Variants in KIAA1217 observed in about 807,000 individuals in gnomAD.
The protein encoded by KIAA1217 is KIAA1217, also known as sickle tail protein homolog.
Under a neutral mutation model 163.9 loss-of-function variants are expected in KIAA1217, and 88 were observed. The ratio of observed to expected loss-of-function variants is 0.54; its 90% confidence interval spans 0.45 to 0.64. The LOEUF (loss-of-function observed/expected upper bound fraction) is 0.64. KIAA1217 is among the 30% of genes least tolerant of loss of function. The pLI, the probability that KIAA1217 is intolerant of heterozygous loss-of-function variation, is 0.00. For missense variants in KIAA1217, 2,372 were observed against 2,475.0 expected, an observed-to-expected ratio of 0.96 and a Z score of 0.88; for synonymous variants, 903 against 923.1, an observed-to-expected ratio of 0.98 and a Z score of 0.39.
At chr10:24,193,243 G>A (rs1188663886) in intron 2 of KIAA1217, among the ~76,000 whole-genome samples, 1 of 152,168 alleles carries the variant, frequency 6.6e-6, no homozygotes, top group Non-Finnish European at 1.5e-5. Context: ...CATTATTAAT[G>A]GCTAAAAAGC....
chr10:24,062,628 A>G (rs2060773665), intron 2 of KIAA1217, among the ~76,000 whole-genome samples: 1 of 151,834 alleles, frequency 6.6e-6, no homozygotes, highest in African/African-American at 2.4e-5. Context: ...TAGCAGCATG[A>G]TTTATAAGCC....
intron 1 of KIAA1217, among the ~76,000 whole-genome samples, chr10:23,731,872 C>A (rs1443092988): frequency 6.6e-6 from 1 of 151,658 alleles, no homozygotes; most frequent in African/African-American, 2.4e-5. Context: ...TGTGATTTTT[C>A]TTTTTTAGCT....
Position 23,784,361 on chromosome 10 carries a change from T to G in KIAA1217, c.-321+89127T>G, listed in dbSNP as rs541009897. 1.2e-4 allele frequency among the ~76,000 whole-genome samples: 18 copies of G among 152,302 alleles called. 1 individual carries two copies. The highest frequency in any genetic ancestry group is 4.3e-4 in the African/African-American group (18 of 41,582). The stretch of plus-strand genomic sequence containing the variant: ...AAGTGTGTCTCTTATAGTCAGCATA[T>G]AGTTGGATCATGTTTATATATCTAC... On this transcript the variant is annotated intron_variant, in intron 1 of 18. Coordinates refer to the KIAA1217 transcript ENST00000376462.
At chr10:24,118,036 T>G (rs2063127215) in intron 2 of KIAA1217, among the ~76,000 whole-genome samples, 1 of 151,706 alleles carries the variant, frequency 6.6e-6, no homozygotes. Context: ...GAAAAATAAC[T>G]ATCAAGTACT....
intron 2 of KIAA1217, among the ~76,000 whole-genome samples, chr10:24,049,030 C>CAAAA (rs59235039): frequency 7.0e-5 from 6 of 86,178 alleles, no homozygotes; most frequent in Middle Eastern, 6.9e-3. Context: ...TACTCTGTCT[C>CAAAA]AAAAAAAAAA....
intron 2 of KIAA1217, among the ~76,000 whole-genome samples, chr10:24,078,667 T>A (rs1292371163): frequency 6.6e-6 from 1 of 152,196 alleles, no homozygotes; most frequent in Non-Finnish European, 1.5e-5. Flanking sequence ...GCAGCATTCT[T>A]GTTCCATGAG....
At chr10:23,842,367 G>A (rs574995406) in intron 1 of KIAA1217, among the ~76,000 whole-genome samples, 1 of 152,236 alleles carries the variant, frequency 6.6e-6, no homozygotes, top group South Asian at 2.1e-4. Flanking sequence ...GTGTGAGTTG[G>A]ATTTTCACTT....
chr10:24,070,095 CT>C (rs2061127322), intron 2 of KIAA1217, among the ~76,000 whole-genome samples: 1 of 152,120 alleles, frequency 6.6e-6, no homozygotes, highest in Non-Finnish European at 1.5e-5. Flanking sequence ...CCACCTTGGC[CT>C]CCCAGTGAAA....
chr10:24,252,943 G>C lies in KIAA1217; in HGVS notation c.354+33034G>C, dbSNP rs4748933. Among the ~76,000 whole-genome samples, 3 of 151,490 alleles carry C rather than the reference G, an allele frequency of 2.0e-5. No individual in the cohort carries two copies. In the South Asian group the frequency reaches 6.3e-4, roughly 32 times the overall value. On this transcript the variant is annotated intron_variant, in intron 2 of 20. Coordinates refer to ENST00000376454, the MANE Select transcript of KIAA1217 (RefSeq NM_019590.5). ...TGAGGCAGAAAGATCGATTGAGCCC[G>C]GGAGTTTGAGACCAGCCTGGGTAAT...
intron 1 of KIAA1217, among the ~76,000 whole-genome samples, chr10:23,976,226 C>G (rs143492435): frequency 7.2e-5 from 11 of 152,242 alleles, no homozygotes; most frequent in Admixed American, 2.6e-4. Flanking sequence ...AGCAATTTAT[C>G]CAGTCACCCA....
chr10:24,536,352 T>A (rs2074008574), intron 16 of KIAA1217, among the ~76,000 whole-genome samples: 1 of 152,186 alleles, frequency 6.6e-6, no homozygotes, highest in Non-Finnish European at 1.5e-5. Context: ...GTTTAAAACG[T>A]CTTGTGAGCT....
Position 24,306,382 on chromosome 10 carries a change from C to T in KIAA1217, c.355-74487C>T, listed in dbSNP as rs142910827. Among the ~76,000 whole-genome samples, 910 of 152,256 alleles carry T rather than the reference C, an allele frequency of 6.0e-3. 4 individuals are homozygous for T. Among genetic ancestry groups the T allele is most frequent in the Middle Eastern group, 0.017 (5 of 294 alleles). ...ATCTTTAGGACTTTAAGTAATTCAT[C>T]GTTTTGCCCCAAACCTAGACACTAC... On this transcript the variant is annotated intron_variant, in intron 2 of 20. Transcript: ENST00000376454.
chr10:24,496,485 A>T (rs1258304654), intron 8 of KIAA1217, among the ~76,000 whole-genome samples: 1 of 152,262 alleles, frequency 6.6e-6, no homozygotes, highest in Admixed American at 6.5e-5. Context: ...GAAATGATTC[A>T]TATCTGAAAG....
intron 3 of KIAA1217, among the ~76,000 whole-genome samples, chr10:24,424,919 A>G (rs1320147751): frequency 6.6e-6 from 1 of 152,150 alleles, no homozygotes; most frequent in African/African-American, 2.4e-5. Flanking sequence ...GTTTTAAATC[A>G]TAAGACTCTT....
intron 1 of KIAA1217, among the ~76,000 whole-genome samples, chr10:23,741,282 G>GACA (rs1839100212): frequency 1.3e-5 from 2 of 152,082 alleles, no homozygotes; most frequent in Admixed American, 1.3e-4. Context: ...TACACACTCT[G>GACA]ACAACATTCT....
intron 1 of KIAA1217, among the ~76,000 whole-genome samples, chr10:23,923,401 C>G (rs529208102): frequency 6.6e-6 from 1 of 152,212 alleles, no homozygotes; most frequent in African/African-American, 2.4e-5. Flanking sequence ...GATAATGGCC[C>G]CTCAAAGATG....
At chr10:23,950,887 GC>G (rs1387114147) in intron 1 of KIAA1217, among the ~76,000 whole-genome samples, 37 of 152,208 alleles carry the variant, frequency 2.4e-4, no homozygotes, top group African/African-American at 8.7e-4. Flanking sequence ...CTAGAACAAG[GC>G]CTAGCATACC....
chr10:24,401,722 T>C (rs1358894694), intron 3 of KIAA1217, among the ~76,000 whole-genome samples: 2 of 152,174 alleles, frequency 1.3e-5, no homozygotes, highest in East Asian at 1.9e-4. Context: ...TGGTAGCCAC[T>C]GCAATAGGCA....
intron 2 of KIAA1217, among the ~76,000 whole-genome samples, chr10:24,264,765 T>TTCTCTCTCTCTCTCTCTCTC (rs55761615): frequency 7.6e-6 from 1 of 131,838 alleles, no homozygotes; most frequent in African/African-American, 2.9e-5. Flanking sequence ...CGGTCGGTCT[T>TTCTCTCTCTCTCTCTCTCTC]TCTCTCTCTC....
Sources: gnomAD v4.1 joint callset for allele counts (sites outside exome capture counted in the v4.1 genomes callset) on GRCh38, gnomAD v4.1.1 for gene constraint, MANE v1.5 for transcripts, NCBI Gene and HGNC (gene_info 2026-07-23, HGNC 2026-07-21) for gene names.